Variants in AUTS2 observed in about 807,000 individuals in gnomAD.
AUTS2 encodes autism susceptibility gene 2 protein.
In AUTS2, 17 loss-of-function variants were observed where a neutral mutation model predicts 112.4. The observed-to-expected ratio is 0.15, with a 90% CI of 0.10 to 0.23. The LOEUF (loss-of-function observed/expected upper bound fraction) is 0.23. Ranked by LOEUF, AUTS2 falls within the 10% of genes least tolerant of loss-of-function variation. The probability of loss-of-function intolerance (pLI) is 1.00; values close to 1 mark genes in which losing one functional copy is unlikely to be tolerated. For missense variants in AUTS2, 1,510 were observed against 1,701.6 expected, an observed-to-expected ratio of 0.89 and a Z score of 1.98; for synonymous variants, 751 against 702.7, an observed-to-expected ratio of 1.07 and a Z score of -1.09.
intron 5 of AUTS2, among the ~76,000 whole-genome samples, chr7:70,532,639 AG>A (rs1240646914): frequency 6.6e-6 from 1 of 152,144 alleles, no homozygotes; most frequent in Non-Finnish European, 1.5e-5. Context: ...GTGGCTGTTC[AG>A]GGGGCACAGC....
At chr7:70,761,128 G>C (rs1789540808) in intron 6 of AUTS2, among the ~76,000 whole-genome samples, 1 of 152,226 alleles carries the variant, frequency 6.6e-6, no homozygotes, top group Non-Finnish European at 1.5e-5. Flanking sequence ...AAACAAGTGT[G>C]TATATACAAC....
At chr7:70,399,752 AAAAT>A (rs532868229) in intron 4 of AUTS2, among the ~76,000 whole-genome samples, 26 of 89,812 alleles carry the variant, frequency 2.9e-4, no homozygotes, top group African/African-American at 8.3e-4. Flanking sequence ...ACTGGGTAAA[AAAAT>A]AAAATAAAAT....
chr7:69,925,088 A>AT (rs1376771968), intron 2 of AUTS2, among the ~76,000 whole-genome samples: 1 of 152,084 alleles, frequency 6.6e-6, no homozygotes, highest in East Asian at 1.9e-4. Flanking sequence ...ATATTCCTTC[A>AT]TTATCCTTTT....
intron 1 of AUTS2, among the ~76,000 whole-genome samples, chr7:69,697,642 C>T (rs977441475): frequency 9.9e-5 from 15 of 152,202 alleles, no homozygotes; most frequent in African/African-American, 3.1e-4. Context: ...TCCTCTCGTC[C>T]TTGACTTTGG....
chr7:70,698,399 T>C (rs1273473609), intron 5 of AUTS2, among the ~76,000 whole-genome samples, 170 bp from the exon 6 acceptor site: 1 of 152,206 alleles, frequency 6.6e-6, no homozygotes, highest in Non-Finnish European at 1.5e-5. Flanking sequence ...ACTGCAGGTC[T>C]CTCTCAAGCA....
Position 69,899,359 on chromosome 7 carries a change from C to T in AUTS2, c.383C>T (p.Ala128Val). 1 of 1,614,038 alleles carries T rather than the reference C, an allele frequency of 6.2e-7. No homozygotes were observed. Among genetic ancestry groups the T allele is most frequent in the Non-Finnish European group, 8.5e-7 (1 of 1,179,944 alleles). The part of the protein sequence containing the change: ...QTPLTKKKRE[A>V]LTNGLSFHSK... ...CCCCTGACCAAGAAGAAACGAGAAG[C>T]ACTTACCAATGGCTTGTCCTTTCAT... The change falls in exon 2 of 19, where the codon GCA (alanine) becomes GTA (valine). Residue 128 changes from alanine to valine, a missense_variant. Physicochemically the swap from Ala to Val is moderately conservative, Grantham distance 64. Coordinates refer to ENST00000342771, the MANE Select transcript of AUTS2 (RefSeq NM_015570.4).
intron 4 of AUTS2, among the ~76,000 whole-genome samples, chr7:70,243,232 TGTG>T (rs961196038): frequency 3.6e-3 from 23 of 6,440 alleles, no homozygotes; most frequent in Admixed American, 4.8e-3. Context: ...AATGTATCCT[TGTG>T]TGTGTGTGTG....
intron 1 of AUTS2, among the ~76,000 whole-genome samples, chr7:69,820,342 G>C (rs139763397): frequency 1.4e-3 from 220 of 152,354 alleles, no homozygotes; most frequent in African/African-American, 5.1e-3. Context: ...TTAGGTCAGT[G>C]GTTCTCTAAG....
chr7:69,978,915 C>G (rs1798179342), intron 2 of AUTS2, among the ~76,000 whole-genome samples: 2 of 150,430 alleles, frequency 1.3e-5, no homozygotes, highest in Non-Finnish European at 1.5e-5. Context: ...CACACGCACA[C>G]ACACACGCAC....
At chr7:70,459,546 G>T (rs1431785778) in intron 5 of AUTS2, among the ~76,000 whole-genome samples, 2 of 152,192 alleles carry the variant, frequency 1.3e-5, no homozygotes, top group Admixed American at 6.5e-5. Flanking sequence ...GGCTGGCTGT[G>T]TCCAGAGAAG....
At chr7:70,288,211 G>T (rs1788552784) in intron 4 of AUTS2, among the ~76,000 whole-genome samples, 1 of 151,998 alleles carries the variant, frequency 6.6e-6, no homozygotes, top group African/African-American at 2.4e-5. Flanking sequence ...AGGATATTGA[G>T]ACCACGGTGA....
intron 1 of AUTS2, among the ~76,000 whole-genome samples, chr7:69,788,317 C>T (rs564648145): frequency 6.6e-6 from 1 of 152,216 alleles, no homozygotes; most frequent in African/African-American, 2.4e-5. Flanking sequence ...CCCCAGCTTG[C>T]AGGCTCATTA....
At chr7:69,876,349 AATATATATATATATAT>A (rs61416382) in intron 1 of AUTS2, among the ~76,000 whole-genome samples, 3 of 29,494 alleles carry the variant, frequency 1.0e-4, no homozygotes, top group South Asian at 1.9e-3. Flanking sequence ...AAAAAAAAAA[AATATATATATATATAT>A]ATATATATAT....
At chr7:70,607,054 C>G (rs2129531938) in intron 5 of AUTS2, among the ~76,000 whole-genome samples, 1 of 152,140 alleles carries the variant, frequency 6.6e-6, no homozygotes, top group Non-Finnish European at 1.5e-5. Context: ...TGTAACTGAC[C>G]AATTCGGAGT....
At chr7:70,350,413 T>C (rs1019499790) in intron 4 of AUTS2, among the ~76,000 whole-genome samples, 4 of 152,206 alleles carry the variant, frequency 2.6e-5, no homozygotes, top group African/African-American at 9.7e-5. Context: ...AGAGGTTTAA[T>C]GGACTCAGTT....
chr7:70,340,675 A>G (rs1162650033), intron 4 of AUTS2, among the ~76,000 whole-genome samples: 7 of 152,252 alleles, frequency 4.6e-5, no homozygotes, highest in African/African-American at 1.4e-4. Flanking sequence ...GTACTTGAAC[A>G]TGTATGAATC....
chr7:69,609,192 T>A (rs753334505), intron 1 of AUTS2, among the ~76,000 whole-genome samples: 13 of 152,206 alleles, frequency 8.5e-5, no homozygotes, highest in Non-Finnish European at 1.8e-4. Flanking sequence ...GTCTGCTTCT[T>A]GTAAGTTAGT....
chr7:70,004,301 A>T (rs1429266039), intron 2 of AUTS2, among the ~76,000 whole-genome samples: 1 of 134,704 alleles, frequency 7.4e-6, no homozygotes, highest in African/African-American at 2.8e-5. Flanking sequence ...AATATATTAT[A>T]TGTGACTATA....
At chr7:69,724,280 C>A (rs999010834) in intron 1 of AUTS2, among the ~76,000 whole-genome samples, 5 of 152,150 alleles carry the variant, frequency 3.3e-5, no homozygotes, top group African/African-American at 1.2e-4. Context: ...TTAACGATTT[C>A]ATTAGCTTTT....
Sources: gnomAD v4.1 joint callset for allele counts (sites outside exome capture counted in the v4.1 genomes callset) on GRCh38, gnomAD v4.1.1 for gene constraint, MANE v1.5 for transcripts, NCBI Gene and HGNC (gene_info 2026-07-23, HGNC 2026-07-21) for gene names.